Variants in GPC3 observed in about 807,000 individuals in gnomAD.
GPC3 encodes the protein glypican 3.
A neutral mutation model predicts 34.4 loss-of-function variants in GPC3; 3 were observed. The ratio of observed to expected loss-of-function variants is 0.09; its 90% CI spans 0.04 to 0.23. The LOEUF is 0.23. Among genes scored for constraint, GPC3 ranks in the 10% least tolerant of loss-of-function variants. GPC3 has a pLI of 1.00. For missense variants in GPC3, 351 were observed against 445.6 expected (o/e 0.79, Z 1.91); for synonymous variants, 177 against 174.0 (o/e 1.02, Z -0.13).
At chrX:133,571,401 C>T (rs776231744) in intron 7 of GPC3, among the ~76,000 whole-genome samples, 19 of 110,332 alleles carry the variant, frequency 1.7e-4, no homozygotes, top group East Asian at 2.9e-4. Flanking sequence ...CTCGCTCTGT[C>T]GCCCAGGCTG....
chrX:133,886,152 T>A (rs1025100381), intron 2 of GPC3, among the ~76,000 whole-genome samples: 7 of 111,129 alleles, frequency 6.3e-5, no homozygotes, highest in Non-Finnish European at 1.1e-4. Context: ...ATAGATATTA[T>A]CATCCCCATT....
intron 7 of GPC3, among the ~76,000 whole-genome samples, chrX:133,563,253 G>A (rs1292063512): frequency 9.0e-6 from 1 of 111,536 alleles, no homozygotes; most frequent in African/African-American, 3.3e-5. Flanking sequence ...TTTTAGAGAA[G>A]GGATCTCTCT....
intron 2 of GPC3, among the ~76,000 whole-genome samples, chrX:133,899,251 G>A (rs2076133848): frequency 8.9e-6 from 1 of 111,792 alleles, no homozygotes. Context: ...AGTCTCATAT[G>A]GTGTAGGACA....
At chrX:133,767,690 T>C (rs1428578733) in intron 2 of GPC3, among the ~76,000 whole-genome samples, 1 of 110,094 alleles carries the variant, frequency 9.1e-6, no homozygotes, top group Non-Finnish European at 1.9e-5. Context: ...GTGTACTCAA[T>C]GGGCTCCGGA....
chrX:133,795,943 C>CTTTTTT (rs753300332), intron 2 of GPC3, among the ~76,000 whole-genome samples: 4 of 84,935 alleles, frequency 4.7e-5, no homozygotes, highest in Non-Finnish European at 6.9e-5. Context: ...TTTCTTTTTC[C>CTTTTTT]TTTTTTTTTT....
chrX:133,771,874 C>T (rs960696195), intron 2 of GPC3, among the ~76,000 whole-genome samples: 1 of 112,033 alleles, frequency 8.9e-6, no homozygotes, highest in Non-Finnish European at 1.9e-5. Flanking sequence ...CATTGGAATA[C>T]TAATGTAAAT....
intron 2 of GPC3, among the ~76,000 whole-genome samples, chrX:133,816,207 C>G (rs1018105094): frequency 9.0e-6 from 1 of 110,668 alleles, no homozygotes; most frequent in African/African-American, 3.3e-5. Flanking sequence ...AACGTGCCAC[C>G]ATGCCTGGCT....
chrX:133,622,996 G>A (rs915106890), intron 6 of GPC3, among the ~76,000 whole-genome samples: 1 of 112,004 alleles, frequency 8.9e-6, no homozygotes, highest in Admixed American at 9.5e-5. Context: ...GAGAGTGGGG[G>A]CCAATATTCA....
At chrX:133,866,111 G>T (rs756526776) in intron 2 of GPC3, among the ~76,000 whole-genome samples, 6 of 111,823 alleles carry the variant, frequency 5.4e-5, no homozygotes, top group Non-Finnish European at 1.1e-4. Flanking sequence ...AGGAGAGAAA[G>T]AAAATGATAC....
intron 2 of GPC3, among the ~76,000 whole-genome samples, chrX:133,940,697 A>G (rs1174965692): frequency 9.0e-6 from 1 of 111,713 alleles, no homozygotes; most frequent in Non-Finnish European, 1.9e-5. Context: ...CCTCCCATCA[A>G]AACAAAAACA....
rs777605357 is a variant in GPC3, at chrX:133,925,186, A to G, written c.337+27864T>C. Among the ~76,000 whole-genome samples, 128 of 109,394 alleles carry G rather than the reference A, an allele frequency of 1.2e-3. 2 individuals are homozygous for G. Among genetic ancestry groups the G allele is most frequent in the Non-Finnish European group, 7.6e-4 (40 of 52,785 alleles). 95.0% of individuals were successfully genotyped at this position (109,394 alleles called of 115,157 possible). A position where few individuals can be genotyped will look rare whatever the true frequency, so the allele number is the denominator to read the frequency against. Reference sequence around the variant, plus strand: ...GCATTTCAAAAAGGAAGAGGCATTCAAAAGAAACTGGCACAGTTTTATAAG... The same window carrying G: ...GCATTTCAAAAAGGAAGAGGCATTCGAAAGAAACTGGCACAGTTTTATAAG... On this transcript the variant is annotated intron_variant, in intron 2 of 7. Transcript: ENST00000370818.
chrX:133,795,920 C>T (rs1326284369), intron 2 of GPC3, among the ~76,000 whole-genome samples: 2 of 103,538 alleles, frequency 1.9e-5, no homozygotes, highest in Admixed American at 1.0e-4. Context: ...ATTTAAAAGG[C>T]TATAAGAGCC....
chrX:133,537,065 A>G (rs1453196776), intron 7 of GPC3, among the ~76,000 whole-genome samples: 1 of 111,666 alleles, frequency 9.0e-6, no homozygotes, highest in Non-Finnish European at 1.9e-5. Flanking sequence ...ATGATTCTGA[A>G]AAGAAATCAG....
chrX:133,559,600 G>C (rs1475027187), intron 7 of GPC3, among the ~76,000 whole-genome samples: 1 of 111,398 alleles, frequency 9.0e-6, no homozygotes, highest in African/African-American at 3.3e-5. Context: ...GTTCTGAGAA[G>C]AGAAACCTGG....
chrX:133,802,323 C>G (rs1384385097), intron 2 of GPC3, among the ~76,000 whole-genome samples: 2 of 109,785 alleles, frequency 1.8e-5, no homozygotes, highest in Non-Finnish European at 3.8e-5. Flanking sequence ...AAAATAATAG[C>G]ATTTTAGGAG....
intron 3 of GPC3, among the ~76,000 whole-genome samples, chrX:133,750,227 C>T (rs762486237): frequency 4.5e-5 from 5 of 112,106 alleles, no homozygotes; most frequent in East Asian, 2.8e-4. Context: ...TCCCCCTGCA[C>T]GCATGTGCAT....
chrX:133,707,027 A>T (rs1370430210), intron 3 of GPC3, among the ~76,000 whole-genome samples: 1 of 112,318 alleles, frequency 8.9e-6, no homozygotes, highest in African/African-American at 3.2e-5. Context: ...TCAGCCATAA[A>T]CAAGCATGAA....
intron 7 of GPC3, among the ~76,000 whole-genome samples, chrX:133,540,206 C>G (rs1258148685): frequency 1.8e-5 from 2 of 112,876 alleles, no homozygotes; most frequent in Non-Finnish European, 3.7e-5. Flanking sequence ...TACTGGGTAT[C>G]TACCCAAAGG....
chrX:133,734,321 T>A lies in GPC3; in HGVS notation c.1032+19161A>T, dbSNP rs920484404. On this transcript the variant is annotated intron_variant, in intron 3 of 7. Transcript: ENST00000370818. Reference sequence around the variant, plus strand: ...ATCTCATCAGTTTCTAAAGAGGGATTTAATAAAATCCAACATGCTTTGATG... The same window carrying A: ...ATCTCATCAGTTTCTAAAGAGGGATATAATAAAATCCAACATGCTTTGATG... Among the ~76,000 whole-genome samples the A allele has an allele frequency of 4.5e-5, 5 of 111,384 alleles. No homozygotes were observed. The Admixed American group carries it at 4.8e-4, about 11-fold the overall frequency.
Sources: gnomAD v4.1 joint callset for allele counts (sites outside exome capture counted in the v4.1 genomes callset) on GRCh38, gnomAD v4.1.1 for gene constraint, MANE v1.5 for transcripts, NCBI Gene and HGNC (gene_info 2026-07-23, HGNC 2026-07-21) for gene names.